The following KIAA1958 variants were observed in gnomAD, a reference collection of about 807,000 sequenced individuals.
The protein encoded by KIAA1958 is KIAA1958, also known as uncharacterized protein KIAA1958.
A neutral mutation model predicts 47.2 loss-of-function variants in KIAA1958; 14 were observed. The ratio of observed to expected loss-of-function variants is 0.30; its 90% CI spans 0.20 to 0.46. The LOEUF (loss-of-function observed/expected upper bound fraction) is 0.46, where lower values mean the gene tolerates loss of function less well. Ranked by LOEUF, KIAA1958 falls within the 20% of genes least tolerant of loss-of-function variation. KIAA1958 has a pLI of 1.00. For missense variants in KIAA1958, 803 were observed against 909.2 expected (o/e 0.88, Z 1.50); for synonymous variants, 354 against 353.3 (o/e 1.00, Z -0.02).
chr9:112,487,477 G>A (rs1833880991), intron 1 of KIAA1958, among the ~76,000 whole-genome samples: 1 of 152,088 alleles, frequency 6.6e-6, no homozygotes, highest in East Asian at 1.9e-4. Context: ...CCTGCTCTTG[G>A]GTCTGTCGGA....
intron 2 of KIAA1958, among the ~76,000 whole-genome samples, chr9:112,607,560 A>G (rs902795988): frequency 3.3e-5 from 5 of 152,144 alleles, no homozygotes; most frequent in African/African-American, 1.2e-4. Context: ...ACACCTATAC[A>G]CTTGCCAACT....
chr9:112,655,931 G>A (rs149732614), intron 3 of KIAA1958, among the ~76,000 whole-genome samples: 8 of 152,290 alleles, frequency 5.3e-5, no homozygotes, highest in Non-Finnish European at 1.2e-4. Flanking sequence ...TTAGATAAGT[G>A]TGCCTGGTGT....
intron 2 of KIAA1958, among the ~76,000 whole-genome samples, chr9:112,578,447 CTT>C (rs1345593292): frequency 6.6e-6 from 1 of 152,100 alleles, no homozygotes; most frequent in African/African-American, 2.4e-5. Context: ...TGTACTGAGT[CTT>C]TATCAGATCA....
Position 112,665,712 on chromosome 9 carries a change from G to T in KIAA1958, c.*5643G>T, listed in dbSNP as rs1345461040. ...TCCTGGAAAGCCTGGCGGTTCCCCA[G>T]TATTTTCTGCCTACTGGGAACCTTC... is the stretch of plus-strand genomic sequence containing the variant. On this transcript the variant is annotated 3_prime_UTR_variant, in exon 4 of 4. Coordinates refer to ENST00000337530, the MANE Select transcript of KIAA1958 (RefSeq NM_133465.4). 1 of 152,180 alleles carries T rather than the reference G, an allele frequency of 6.6e-6. No homozygotes were observed. Among genetic ancestry groups the T allele is most frequent in the South Asian group, 2.1e-4 (1 of 4,834 alleles). The allele number at this position is 152,180 out of a possible 1,614,324, so 9.4% of individuals were successfully genotyped here.
chr9:112,495,101 A>T (rs1334839237), intron 1 of KIAA1958, among the ~76,000 whole-genome samples: 1 of 151,240 alleles, frequency 6.6e-6, no homozygotes, highest in Admixed American at 6.6e-5. Context: ...TTTTTTTTAA[A>T]GACAGGTTTC....
At chr9:112,533,700 G>T (rs1322087346) in intron 1 of KIAA1958, among the ~76,000 whole-genome samples, 2 of 152,158 alleles carry the variant, frequency 1.3e-5, no homozygotes, top group Non-Finnish European at 2.9e-5. Flanking sequence ...CAGGGTGGCA[G>T]GAGATAGAAT....
At chr9:112,573,966 C>T in intron 1 of KIAA1958, 91 bp from the exon 2 acceptor site, 2 of 672,766 alleles carry the variant, frequency 3.0e-6, no homozygotes, top group Non-Finnish European at 4.8e-6. Flanking sequence ...TTTTTTATGC[C>T]AAATGATCAT....
At chr9:112,621,237 G>A (rs1422800485) in intron 2 of KIAA1958, among the ~76,000 whole-genome samples, 3 of 152,142 alleles carry the variant, frequency 2.0e-5, no homozygotes, top group South Asian at 2.1e-4. Context: ...TACATTTGGA[G>A]CCACAGAGCC....
rs1371106782 is a variant in KIAA1958 at position 112,618,562 on chromosome 9, G to A, written c.1172-27088G>A. On this transcript the variant is annotated intron_variant, in intron 2 of 3. Coordinates refer to ENST00000337530, the MANE Select transcript of KIAA1958 (RefSeq NM_133465.4). The surrounding 1 kb of genome is among the most constrained non-coding windows in gnomAD (Gnocchi z 7.1). ...AGACCTGCCCTGTCCAGGACTATAA[G>A]GAGTATGCCCAGCGGCGGCCTCCCG... The A allele has an allele frequency of 6.4e-7, 1 of 1,550,698 alleles. No individual in the cohort carries two copies. The highest frequency in any genetic ancestry group is 1.2e-5 in the South Asian group (1 of 84,060).
At chr9:112,587,124 T>G (rs1835840054) in intron 2 of KIAA1958, among the ~76,000 whole-genome samples, 2 of 152,138 alleles carry the variant, frequency 1.3e-5, no homozygotes, top group African/African-American at 4.8e-5. Flanking sequence ...CCCAAAAAAG[T>G]GTATTAGAAC....
chr9:112,601,519 A>T (rs1331142233), intron 2 of KIAA1958, among the ~76,000 whole-genome samples: 1 of 152,164 alleles, frequency 6.6e-6, no homozygotes, highest in Non-Finnish European at 1.5e-5. Flanking sequence ...TTAAAAATGC[A>T]GACTCCTCCT....
intron 2 of KIAA1958, among the ~76,000 whole-genome samples, chr9:112,635,341 C>G (rs1412558751): frequency 6.6e-6 from 1 of 151,756 alleles, no homozygotes; most frequent in African/African-American, 2.4e-5. Context: ...ACCTCTGCCT[C>G]CCAGGCTTAA....
At chr9:112,542,874 C>A (rs1401281999) in intron 1 of KIAA1958, among the ~76,000 whole-genome samples, 2 of 152,160 alleles carry the variant, frequency 1.3e-5, no homozygotes, top group Non-Finnish European at 2.9e-5. Context: ...GATTTAAGGA[C>A]CACAGGTGCT....
chr9:112,569,123 T>C (rs1458469566), intron 1 of KIAA1958, among the ~76,000 whole-genome samples: 1 of 152,118 alleles, frequency 6.6e-6, no homozygotes, highest in Non-Finnish European at 1.5e-5. Flanking sequence ...TGGCTCTCGT[T>C]GGAGAATATG....
At chr9:112,632,460 G>A (rs1366216128) in intron 2 of KIAA1958, among the ~76,000 whole-genome samples, 5 of 152,106 alleles carry the variant, frequency 3.3e-5, no homozygotes, top group Non-Finnish European at 7.4e-5. Flanking sequence ...CCACCAAAAA[G>A]TTGTACTGAT....
chr9:112,638,602 G>A (rs537075996), intron 2 of KIAA1958, among the ~76,000 whole-genome samples: 80 of 151,924 alleles, frequency 5.3e-4, no homozygotes, highest in Non-Finnish European at 9.7e-4. Flanking sequence ...TATTTATTTT[G>A]CTTGGTTAGG....
intron 1 of KIAA1958, among the ~76,000 whole-genome samples, chr9:112,568,758 C>T (rs10981446): frequency 0.26 from 39,304 of 150,156 alleles, 5,167 homozygotes; most frequent in Middle Eastern, 0.4. Flanking sequence ...TGTGGTGGTG[C>T]GCACCTGTGG....
At chr9:112,656,372 CAAAAAAAAAAAAA>C (rs35967386) in intron 3 of KIAA1958, among the ~76,000 whole-genome samples, 2 of 57,826 alleles carry the variant, frequency 3.5e-5, no homozygotes, top group East Asian at 5.8e-4. Flanking sequence ...GACTCTGTCT[CAAAAAAAAAAAAA>C]AAAAAAAAAA....
intron 2 of KIAA1958, among the ~76,000 whole-genome samples, chr9:112,585,537 G>A (rs1221634871): frequency 1.3e-5 from 2 of 152,198 alleles, no homozygotes; most frequent in African/African-American, 4.8e-5. Context: ...GGGCTCAGGG[G>A]GACACAGTTC....
Sources: allele counts gnomAD v4.1 joint callset (sites outside exome capture counted in the v4.1 genomes callset), GRCh38; gene constraint gnomAD v4.1.1; non-coding constraint Gnocchi (gnomAD v3.1); transcripts MANE v1.5; gene names NCBI Gene and HGNC (gene_info 2026-07-23, HGNC 2026-07-21).